The following DCLK2 variants were observed in gnomAD, a reference collection of about 807,000 sequenced individuals.
DCLK2 encodes the protein serine/threonine-protein kinase DCLK2.
DCLK2 carries 31 observed loss-of-function variants against 78.4 expected under a neutral mutation model. The observed-to-expected ratio is 0.40, with a 90% confidence interval of 0.30 to 0.53. DCLK2 has a LOEUF of 0.53. DCLK2 is among the 20% of genes least tolerant of loss of function. The probability of loss-of-function intolerance (pLI) is 0.61; values close to 1 mark genes in which losing one functional copy is unlikely to be tolerated. For synonymous variants in DCLK2, 407 were observed against 374.9 expected, an observed-to-expected ratio of 1.09 and a Z score of -0.99; for missense variants, 872 against 973.7, an observed-to-expected ratio of 0.90 and a Z score of 1.39.
At chr4:150,187,506 C>G (rs796734852) in intron 2 of DCLK2, among the ~76,000 whole-genome samples, 4 of 152,240 alleles carry the variant, frequency 2.6e-5, no homozygotes, top group African/African-American at 9.6e-5. Context: ...CTTTCCTGAC[C>G]ACCCTCTTTA....
At chr4:150,161,371 TCAAGAGCCAGATA>T (rs1735697060) in intron 2 of DCLK2, among the ~76,000 whole-genome samples, 1 of 152,142 alleles carries the variant, frequency 6.6e-6, no homozygotes, top group African/African-American at 2.4e-5. Flanking sequence ...AGGCCTTCCC[TCAAGAGCCAGATA>T]CAAGTCTGTG....
intron 1 of DCLK2, among the ~76,000 whole-genome samples, chr4:150,079,822 T>TGGACCCTGGTGC (rs1157061739): frequency 6.6e-5 from 10 of 152,208 alleles, no homozygotes; most frequent in African/African-American, 2.4e-4. Context: ...ACCCTCGGTG[T>TGGACCCTGGTGC]GGACCCTGGT....
rs774419441 is a variant in DCLK2 at position 150,203,831 on chromosome 4, A to C, written c.998A>C (p.Lys333Thr). Residue 333 changes from lysine (K) to threonine (T), a missense_variant, in exon 5 of 16, where the codon AAA becomes ACA. This residue lies in a region of DCLK2 where 567 missense variants were observed against 593.4 expected (regional missense o/e 0.96). Transcript: ENST00000296550. ...GTPSSQLSTPKSTKSSSSSPT... is the reference protein window; with the variant it reads ...GTPSSQLSTPTSTKSSSSSPT... ...CCCAGCAGCCAACTTTCTACTCCTA[A>C]ATCTACGAAATCCTCCAGTTCCTCT... 6.2e-7 allele frequency: 1 copy of C among 1,613,930 alleles called. No homozygotes were observed. Among genetic ancestry groups the C allele is most frequent in the Non-Finnish European group, 8.5e-7 (1 of 1,179,940 alleles).
At chr4:150,081,593 T>G (rs191199327) in intron 1 of DCLK2, among the ~76,000 whole-genome samples, 179 of 152,314 alleles carry the variant, frequency 1.2e-3, no homozygotes, top group Middle Eastern at 3.4e-3. Flanking sequence ...GAAGAAAACT[T>G]GGACACTTTT....
chr4:150,132,961 GT>G (rs914137161), intron 2 of DCLK2, among the ~76,000 whole-genome samples: 8 of 152,096 alleles, frequency 5.3e-5, no homozygotes, highest in Non-Finnish European at 1.2e-4. Flanking sequence ...ATACAAGCTT[GT>G]TTTATGTGTG....
At chr4:150,247,848 G>C in intron 13 of DCLK2, 149 bp downstream of exon 13, 1 of 643,280 alleles carries the variant, frequency 1.6e-6, no homozygotes, top group Non-Finnish European at 2.6e-6. Context: ...CCATGGTATG[G>C]TCTCTGAAGT....
intron 1 of DCLK2, among the ~76,000 whole-genome samples, chr4:150,101,437 G>T (rs1462860199): frequency 6.6e-6 from 1 of 151,636 alleles, no homozygotes; most frequent in African/African-American, 2.4e-5. Context: ...TCACTATTTG[G>T]GTTACTTCTG....
intron 4 of DCLK2, among the ~76,000 whole-genome samples, chr4:150,203,129 G>T (rs188768238): frequency 6.6e-6 from 1 of 152,216 alleles, no homozygotes; most frequent in Admixed American, 6.5e-5. Flanking sequence ...CAGATGTGTA[G>T]AAAACTACCA....
chr4:150,104,641 C>G (rs189867529), intron 2 of DCLK2, among the ~76,000 whole-genome samples: 41 of 151,980 alleles, frequency 2.7e-4, no homozygotes, highest in Non-Finnish European at 4.9e-4. Context: ...CTTCTTTATT[C>G]ATGAGATCTA....
chr4:150,175,104 TTATA>T lies in DCLK2; in HGVS notation c.757-18030_757-18027del, dbSNP rs1358782165. Among the ~76,000 whole-genome samples the T allele has an allele frequency of 2.2e-4, 22 of 98,062 alleles. 3 individuals carry two copies. The East Asian group carries it at 4.1e-3, about 18-fold the overall frequency. 64.3% of individuals were successfully genotyped at this position (98,062 alleles called of 152,430 possible). On this transcript the variant is annotated intron_variant, in intron 2 of 15. Transcript: ENST00000296550. ...TATTTATATATATATTTATATATAT[TTATA>T]TATTTATATTTTTTATATATATATA... is the stretch of plus-strand genomic sequence containing the variant.
chr4:150,198,916 C>CA (rs959996310), intron 4 of DCLK2: 3 of 579,034 alleles, frequency 5.2e-6, no homozygotes, highest in Non-Finnish European at 5.9e-6. Flanking sequence ...CAGCACCCCC[C>CA]CCCCCACTTT....
At position 150,152,135 on chromosome 4, in the gene DCLK2, AG is replaced by A. The variant is rs377306916; in HGVS notation, c.757-41001del. Among the ~76,000 whole-genome samples the A allele has an allele frequency of 4.0e-4, 61 of 152,342 alleles. No homozygotes were observed. The East Asian group carries it at 9.3e-3, about 23-fold the overall frequency. ...ATACATTGATTGTATAAGAACCAGG[AG>A]GAAAAACAGGGAACAGTAAGTATAG... On this transcript the variant is annotated intron_variant, in intron 2 of 15. Coordinates refer to ENST00000296550, the MANE Select transcript of DCLK2 (RefSeq NM_001040260.4).
chr4:150,194,192 T>C (rs1738690542), intron 3 of DCLK2, among the ~76,000 whole-genome samples: 1 of 152,198 alleles, frequency 6.6e-6, no homozygotes, highest in Admixed American at 6.5e-5. Context: ...GATGTTTAGA[T>C]GCACAGGTCC....
intron 10 of DCLK2, among the ~76,000 whole-genome samples, chr4:150,238,411 T>G (rs1403088685): frequency 6.6e-6 from 1 of 152,150 alleles, no homozygotes; most frequent in East Asian, 1.9e-4. Flanking sequence ...AACGTTTGGG[T>G]CCATCTCTAT....
rs71596222 is a variant in DCLK2, at chr4:150,190,034, C to CAAAAAAAAAAA, written c.757-3097_757-3087dup. Among the ~76,000 whole-genome samples, 21 of 26,238 alleles carry CAAAAAAAAAAA rather than the reference C, an allele frequency of 8.0e-4. 2 individuals carry two copies. The highest frequency in any genetic ancestry group is 2.1e-3 in the African/African-American group (19 of 8,968). The allele number at this position is 26,238 out of a possible 152,430, so 17.2% of individuals were successfully genotyped here. ...TGGGCATCATAGGGAGACCCTGTCTCAAAAAAAAAAAAAAAAAGGCCAAGT... is the reference window on the plus strand; with the variant it reads ...TGGGCATCATAGGGAGACCCTGTCTCAAAAAAAAAAAAAAAAAAAAAAAAAAAAGGCCAAGT... On this transcript the variant is annotated intron_variant, in intron 2 of 15. Coordinates refer to ENST00000296550, the MANE Select transcript of DCLK2 (RefSeq NM_001040260.4).
intron 2 of DCLK2, among the ~76,000 whole-genome samples, chr4:150,165,820 G>A (rs1395771380): frequency 6.6e-6 from 1 of 152,220 alleles, no homozygotes; most frequent in Non-Finnish European, 1.5e-5. Context: ...GTGTTGAAAG[G>A]TAGAGCCTAA....
intron 2 of DCLK2, among the ~76,000 whole-genome samples, chr4:150,104,394 T>TAAAAAAAAAAAAAAAAAAAAAAAAA (rs34276664): frequency 1.7e-4 from 5 of 29,754 alleles, no homozygotes; most frequent in Non-Finnish European, 2.7e-4. Flanking sequence ...CCACATCTCC[T>TAAAAAAAAAAAAAAAAAAAAAAAAA]AAAAAAAAAA....
At chr4:150,163,047 G>A (rs984010796) in intron 2 of DCLK2, among the ~76,000 whole-genome samples, 2 of 152,148 alleles carry the variant, frequency 1.3e-5, no homozygotes, top group Non-Finnish European at 2.9e-5. Flanking sequence ...CAAAACGACA[G>A]TTGGTTAATC....
At chr4:150,109,236 T>G (rs1254525327) in intron 2 of DCLK2, among the ~76,000 whole-genome samples, 2 of 152,166 alleles carry the variant, frequency 1.3e-5, no homozygotes, top group Non-Finnish European at 2.9e-5. Flanking sequence ...TCATAAACAT[T>G]TTCTACAATT....
Sources: allele counts gnomAD v4.1 joint callset (sites outside exome capture counted in the v4.1 genomes callset), GRCh38; gene constraint gnomAD v4.1.1; regional missense constraint gnomAD v4.1.1; transcripts MANE v1.5; gene names NCBI Gene and HGNC (gene_info 2026-07-23, HGNC 2026-07-21).